YES1: variants seen among roughly 807,000 people sequenced by gnomAD.
YES1 encodes the protein YES proto-oncogene 1, Src family tyrosine kinase.
In YES1, 39 loss-of-function variants were observed where a neutral mutation model predicts 70.4. The observed-to-expected ratio is 0.55, with a 90% CI of 0.43 to 0.72. The LOEUF is 0.72. Among genes scored for constraint, YES1 ranks in the 30% least tolerant of loss-of-function variants. YES1 has a pLI of 0.00. For synonymous variants in YES1, 198 were observed against 218.6 expected (o/e 0.91, Z 0.83); for missense variants, 495 against 644.8 (o/e 0.77, Z 2.52).
chr18:750,729 G>A (rs1598905038), intron 3 of YES1, among the ~76,000 whole-genome samples: 1 of 152,130 alleles, frequency 6.6e-6, no homozygotes, highest in South Asian at 2.1e-4. Context: ...GGCCAGGCAG[G>A]GGAGGAAGAA....
At chr18:751,923 GA>G (rs1488216665) in intron 2 of YES1, 119 bp from the exon 3 acceptor site, 1 of 687,596 alleles carries the variant, frequency 1.5e-6, no homozygotes, top group Admixed American at 2.6e-5. Flanking sequence ...GTAGTCTCCA[GA>G]AACTATTTTT....
chr18:809,311 T>A (rs2145847725), intron 1 of YES1, among the ~76,000 whole-genome samples: 1 of 152,304 alleles, frequency 6.6e-6, no homozygotes, highest in East Asian at 1.9e-4. Context: ...TATTTGACTT[T>A]TTTTTTTGGA....
chr18:802,615 G>C (rs967696479), intron 1 of YES1, among the ~76,000 whole-genome samples: 2 of 151,300 alleles, frequency 1.3e-5, no homozygotes, highest in Non-Finnish European at 2.9e-5. Flanking sequence ...TAATGAAGAA[G>C]AAAAAAGACA....
At chr18:728,234 G>A (rs993289308) in intron 11 of YES1, among the ~76,000 whole-genome samples, 5 of 151,692 alleles carry the variant, frequency 3.3e-5, no homozygotes, top group African/African-American at 1.2e-4. Flanking sequence ...GCTGAGGTGG[G>A]AGGATCACCT....
rs2145707483 is a variant in YES1, at chr18:743,390, C to G, written c.750G>C (p.Lys250Asn). ...TCACAGTTGGACACACAGTTGTCAA[C>G]TTGTGGCATAAACCATCAGCATGTT... ...YTEHADGLCH[K>N]LTTVCPTVKP... The change falls in exon 7 of 12, where the codon AAG becomes AAC. Residue 250 changes from lysine (K) to asparagine (N), a missense_variant. Physicochemically the swap from Lys to Asn is moderately conservative, Grantham distance 94 (BLOSUM62 0). Transcript: ENST00000314574. 3 of 1,612,850 alleles carry G rather than the reference C, an allele frequency of 1.9e-6. No homozygotes were observed. The highest frequency in any genetic ancestry group is 2.5e-6 in the Non-Finnish European group (3 of 1,179,850).
At chr18:759,296 G>A (rs1224855279) in intron 1 of YES1, among the ~76,000 whole-genome samples, 7 of 152,176 alleles carry the variant, frequency 4.6e-5, no homozygotes, top group East Asian at 1.9e-4. Flanking sequence ...GTGAAACTCC[G>A]TCTCTATTAA....
rs931458413 is a variant in YES1 at position 722,883 on chromosome 18, G to C, written c.*1541C>G. The C allele has an allele frequency of 2.6e-5, 4 of 152,186 alleles. No homozygotes were observed. The highest frequency in any genetic ancestry group is 7.2e-5 in the African/African-American group (3 of 41,444). The allele number at this position is 152,186 out of a possible 1,614,324, so 9.4% of individuals were successfully genotyped here. A position where few individuals can be genotyped will look rare whatever the true frequency, so the allele number is the denominator to read the frequency against. Reference sequence around the variant, plus strand: ...CGAGGCGGGCAGATCACAAGGTCAGGAGATCGAGACTATCCTGGCTAACAC... The same window carrying C: ...CGAGGCGGGCAGATCACAAGGTCAGCAGATCGAGACTATCCTGGCTAACAC... On this transcript the variant is annotated 3_prime_UTR_variant, in exon 12 of 12. Coordinates refer to ENST00000314574, the MANE Select transcript of YES1 (RefSeq NM_005433.4).
Position 739,745 on chromosome 18 carries a change from A to C in YES1, c.1127T>G (p.Met376Arg), listed in dbSNP as rs775428573. ...KYLKLPQLVDMAAQIADGMAY... is the reference protein window; with the variant it reads ...KYLKLPQLVDRAAQIADGMAY... ...TATATATACAGATACCTGAGCAGCC[A>C]TATCAACCAGCTGTGGAAGCTTCAA... Residue 376 changes from methionine (M) to arginine (R), a missense_variant, in exon 9 of 12, where the codon ATG (methionine) becomes AGG (arginine). Coordinates refer to ENST00000314574, the MANE Select transcript of YES1 (RefSeq NM_005433.4). The C allele has an allele frequency of 4.3e-6, 7 of 1,612,250 alleles. No individual in the cohort carries two copies. Among genetic ancestry groups the C allele is most frequent in the Non-Finnish European group, 5.9e-6 (7 of 1,179,342 alleles).
At chr18:726,145 G>A (rs936367789) in intron 11 of YES1, among the ~76,000 whole-genome samples, 3 of 152,112 alleles carry the variant, frequency 2.0e-5, no homozygotes, top group Non-Finnish European at 4.4e-5. Flanking sequence ...TCACTCAAAG[G>A]CCGGGTGCGG....
intron 1 of YES1, among the ~76,000 whole-genome samples, chr18:770,517 CAA>C (rs1413968496): frequency 6.6e-6 from 1 of 152,156 alleles, no homozygotes; most frequent in East Asian, 1.9e-4. Context: ...TTAATTTTGA[CAA>C]AGTGTCCTTC....
intron 10 of YES1, among the ~76,000 whole-genome samples, chr18:734,742 C>T (rs1214941933): frequency 6.6e-6 from 1 of 151,468 alleles, no homozygotes; most frequent in Non-Finnish European, 1.5e-5. Flanking sequence ...AACATTTTTC[C>T]ACTGATGGTG....
intron 1 of YES1, among the ~76,000 whole-genome samples, chr18:808,381 G>A (rs934704944): frequency 6.6e-6 from 1 of 152,108 alleles, no homozygotes; most frequent in Non-Finnish European, 1.5e-5. Context: ...GCCTAATTGT[G>A]GCACTGGAGC....
intron 1 of YES1, among the ~76,000 whole-genome samples, chr18:766,588 G>C (rs1224894052): frequency 6.6e-6 from 1 of 151,504 alleles, no homozygotes; most frequent in Non-Finnish European, 1.5e-5. Context: ...CTTCATTCTA[G>C]AATCAAAACA....
intron 3 of YES1, among the ~76,000 whole-genome samples, chr18:750,399 C>A (rs2080329189): frequency 6.6e-6 from 1 of 152,196 alleles, no homozygotes; most frequent in South Asian, 2.1e-4. Flanking sequence ...CCAACTTCAG[C>A]ACTATTGACA....
intron 1 of YES1, among the ~76,000 whole-genome samples, chr18:792,585 GTA>G (rs1318360406): frequency 2.9e-5 from 4 of 140,222 alleles, no homozygotes; most frequent in African/African-American, 5.4e-5. Flanking sequence ...GTGTGTGTGT[GTA>G]TATACATATA....
At chr18:773,702 T>C (rs1346631027) in intron 1 of YES1, among the ~76,000 whole-genome samples, 1 of 152,234 alleles carries the variant, frequency 6.6e-6, no homozygotes, top group Non-Finnish European at 1.5e-5. Context: ...CCCACTTCTT[T>C]TAGCAAACTT....
At chr18:812,636 G>C (rs1907475592), upstream of YES1, 2 of 152,650 alleles carry the variant, frequency 1.3e-5, no homozygotes, top group Non-Finnish European at 2.9e-5. Flanking sequence ...CCGGAGAGCA[G>C]GCCCGCGGCG....
At chr18:809,710 C>T (rs1907275132) in intron 1 of YES1, among the ~76,000 whole-genome samples, 1 of 152,004 alleles carries the variant, frequency 6.6e-6, no homozygotes, top group Non-Finnish European at 1.5e-5. Flanking sequence ...AGTCAGCCAC[C>T]AAGTTATGTT....
chr18:777,782 G>A (rs1905456424), intron 1 of YES1, among the ~76,000 whole-genome samples: 1 of 148,296 alleles, frequency 6.7e-6, no homozygotes, highest in East Asian at 2.0e-4. Context: ...ACTCCAGCCT[G>A]GACAACAGAG....
Sources: gnomAD v4.1 joint callset for allele counts (sites outside exome capture counted in the v4.1 genomes callset) on GRCh38, gnomAD v4.1.1 for gene constraint, MANE v1.5 for transcripts, NCBI Gene and HGNC (gene_info 2026-07-23, HGNC 2026-07-21) for gene names.